The following YES1 variants were observed in gnomAD, a reference collection of about 807,000 sequenced individuals.
The protein encoded by YES1 is YES proto-oncogene 1, Src family tyrosine kinase.
Under a neutral mutation model 70.4 loss-of-function variants are expected in YES1, and 39 were observed. The observed-to-expected ratio is 0.55, with a 90% CI of 0.43 to 0.72. The LOEUF (loss-of-function observed/expected upper bound fraction) is 0.72, where lower values mean the gene tolerates loss of function less well. YES1 is among the 30% of genes least tolerant of loss of function. The pLI is 0.00. For missense variants in YES1, 495 were observed against 644.8 expected (o/e 0.77, Z 2.52); for synonymous variants, 198 against 218.6 (o/e 0.91, Z 0.83).
intron 9 of YES1, chr18:738,044 T>G (rs1216717292): frequency 6.8e-6 from 1 of 147,862 alleles, no homozygotes; most frequent in African/African-American, 2.5e-5. Context: ...AAAACCTAAT[T>G]TTTTTTTTTT....
intron 1 of YES1, among the ~76,000 whole-genome samples, chr18:762,153 T>A (rs1226508823): frequency 6.6e-6 from 1 of 152,174 alleles, no homozygotes; most frequent in Non-Finnish European, 1.5e-5. Context: ...AAACCCTGTC[T>A]CTACTAAAAA....
intron 11 of YES1, among the ~76,000 whole-genome samples, chr18:725,705 T>C (rs886796730): frequency 5.3e-5 from 8 of 152,048 alleles, no homozygotes; most frequent in African/African-American, 1.7e-4. Flanking sequence ...CTTGCCAACA[T>C]GGTGAAACCA....
intron 1 of YES1, among the ~76,000 whole-genome samples, chr18:799,309 G>A (rs1906700837): frequency 6.6e-6 from 1 of 152,140 alleles, no homozygotes; most frequent in South Asian, 2.1e-4. Flanking sequence ...TGGCTGACCT[G>A]CTAGAAACTA....
intron 1 of YES1, among the ~76,000 whole-genome samples, chr18:774,494 C>T (rs1171580936): frequency 2.6e-5 from 4 of 152,128 alleles, no homozygotes; most frequent in Non-Finnish European, 2.9e-5. Flanking sequence ...TGCAATCTTC[C>T]CCAACTCGAT....
intron 1 of YES1, among the ~76,000 whole-genome samples, chr18:809,177 T>A (rs1302777798): frequency 6.6e-6 from 1 of 152,260 alleles, no homozygotes; most frequent in African/African-American, 2.4e-5. Flanking sequence ...AAGCGGATTT[T>A]AATTTTGTAA....
chr18:727,409 CTTA>C (rs1222672742), intron 11 of YES1, among the ~76,000 whole-genome samples: 1 of 152,046 alleles, frequency 6.6e-6, no homozygotes, highest in Non-Finnish European at 1.5e-5. Context: ...AAAATCCAGT[CTTA>C]TCTTTTTTTA....
intron 9 of YES1, among the ~76,000 whole-genome samples, chr18:737,681 C>T (rs1297952768): frequency 6.6e-6 from 1 of 152,170 alleles, no homozygotes; most frequent in Non-Finnish European, 1.5e-5. Flanking sequence ...TGGCCTGCAG[C>T]CTGTTTTTGC....
At position 724,190 on chromosome 18, in the gene YES1, A is replaced by G; in HGVS notation, c.*234T>C. On this transcript the variant is annotated 3_prime_UTR_variant, in exon 12 of 12. Transcript: ENST00000314574. ...TGCTGTCACCCACACTGTCATCAGT[A>G]TCTTAGCTCTATTTTGTTTGGACCC... 1 of 496,658 alleles carries G rather than the reference A, an allele frequency of 2.0e-6. No homozygotes were observed. Among genetic ancestry groups the G allele is most frequent in the Non-Finnish European group, 3.6e-6 (1 of 276,778 alleles). The allele number at this position is 496,658 out of a possible 1,614,324, so 30.8% of individuals were successfully genotyped here. A position where few individuals can be genotyped will look rare whatever the true frequency, so the allele number is the denominator to read the frequency against.
rs777880481 is a variant in YES1, at chr18:743,326, T to C, written c.814A>G (p.Ile272Val). The change falls in exon 7 of 12, where the codon ATC becomes GTC. Residue 272 changes from isoleucine (I) to valine (V), a missense_variant. By Grantham distance (29) the Ile-to-Val change is conservative. Around this residue, in one of 2 missense-constraint regions of YES1, gnomAD observed 385 missense variants for 540.9 expected, o/e 0.71. Coordinates refer to ENST00000314574, the MANE Select transcript of YES1 (RefSeq NM_005433.4). ...TQGLAKDAWE[I>V]PRESLRLEVK... ...TCTAGTCGCAAAGATTCTCGAGGGATTTCCCAAGCATCTTTTGCTAGACCT... is the reference window on the plus strand; with the variant it reads ...TCTAGTCGCAAAGATTCTCGAGGGACTTCCCAAGCATCTTTTGCTAGACCT... 2 of 1,612,532 alleles carry C rather than the reference T, an allele frequency of 1.2e-6. No homozygotes were observed. The highest frequency in any genetic ancestry group is 3.3e-5 in the Admixed American group (2 of 60,014).
At chr18:788,276 C>T (rs937417710) in intron 1 of YES1, among the ~76,000 whole-genome samples, 1 of 152,136 alleles carries the variant, frequency 6.6e-6, no homozygotes, top group Non-Finnish European at 1.5e-5. Flanking sequence ...TTTCATATTA[C>T]ATGGGGAGCC....
intron 1 of YES1, among the ~76,000 whole-genome samples, chr18:773,174 C>T (rs1216724181): frequency 2.0e-5 from 3 of 152,132 alleles, no homozygotes; most frequent in Non-Finnish European, 4.4e-5. Flanking sequence ...CAAATTTCCA[C>T]ATTAGATTTT....
At chr18:781,405 G>A (rs1381165551) in intron 1 of YES1, among the ~76,000 whole-genome samples, 1 of 151,544 alleles carries the variant, frequency 6.6e-6, no homozygotes, top group Non-Finnish European at 1.5e-5. Context: ...CTTTCCTTAC[G>A]CTTGGCTTGT....
At chr18:798,956 C>A (rs1394353290) in intron 1 of YES1, among the ~76,000 whole-genome samples, 4 of 152,124 alleles carry the variant, frequency 2.6e-5, no homozygotes, top group South Asian at 2.1e-4. Context: ...TCCTACTGAT[C>A]CTAATTAAGT....
intron 1 of YES1, among the ~76,000 whole-genome samples, chr18:801,207 C>T (rs1441621184): frequency 2.0e-5 from 3 of 151,964 alleles, no homozygotes; most frequent in African/African-American, 7.2e-5. Flanking sequence ...GTGGTGCACA[C>T]CTGTGGTCGC....
chr18:792,158 G>A (rs1457670948), intron 1 of YES1, among the ~76,000 whole-genome samples: 2 of 151,998 alleles, frequency 1.3e-5, no homozygotes, highest in Non-Finnish European at 2.9e-5. Flanking sequence ...AGGAAGTTTA[G>A]CCAAGTGTGG....
chr18:803,519 A>C (rs1906930709), intron 1 of YES1, among the ~76,000 whole-genome samples: 1 of 152,200 alleles, frequency 6.6e-6, no homozygotes, highest in Non-Finnish European at 1.5e-5. Context: ...AATCTTTTGA[A>C]GCTTTTCTAT....
intron 1 of YES1, among the ~76,000 whole-genome samples, chr18:794,341 A>G (rs1906426641): frequency 6.6e-6 from 1 of 152,336 alleles, no homozygotes; most frequent in Admixed American, 6.5e-5. Context: ...CCAGTAGTCT[A>G]ACTTTTAAAA....
At chr18:793,005 A>G (rs1229141481) in intron 1 of YES1, among the ~76,000 whole-genome samples, 1 of 151,772 alleles carries the variant, frequency 6.6e-6, no homozygotes, top group Non-Finnish European at 1.5e-5. Flanking sequence ...AAACAATAGA[A>G]AGAGTCTTAA....
In YES1 at chr18:743,500, T is replaced by C. The variant is rs368605196; in HGVS notation, c.725-85A>G. 6 of 1,162,596 alleles carry C rather than the reference T, an allele frequency of 5.2e-6. No homozygotes were observed. The African/African-American group carries it at 7.8e-5, about 15-fold the overall frequency. 72.0% of individuals were successfully genotyped at this position (1,162,596 alleles called of 1,614,324 possible). On this transcript the variant is annotated intron_variant, in intron 6 of 11. Coordinates refer to ENST00000314574, the MANE Select transcript of YES1 (RefSeq NM_005433.4). ...GTATCAATGTTTTAAGTTTAAACTG[T>C]AGAAAAACAAAAACAGAAGTCCTTT...
Sources: allele counts gnomAD v4.1 joint callset (sites outside exome capture counted in the v4.1 genomes callset), GRCh38; gene constraint gnomAD v4.1.1; regional missense constraint gnomAD v4.1.1; transcripts MANE v1.5; gene names NCBI Gene and HGNC (gene_info 2026-07-23, HGNC 2026-07-21).